Variants in HACE1 observed in about 807,000 individuals in gnomAD.
HACE1 encodes E3 ubiquitin-protein ligase HACE1.
In HACE1, 73 loss-of-function variants were observed where a neutral mutation model predicts 118.4. That is an observed-to-expected ratio of 0.62 (90% CI 0.51 to 0.75). The LOEUF (loss-of-function observed/expected upper bound fraction) is 0.75, where lower values mean the gene tolerates loss of function less well. Among genes scored for constraint, HACE1 ranks in the 30% least tolerant of loss-of-function variants. HACE1 has a pLI of 0.00. For synonymous variants in HACE1, 368 were observed against 374.8 expected (o/e 0.98, Z 0.21); for missense variants, 749 against 1,102.2 (o/e 0.68, Z 4.54).
intron 19 of HACE1, among the ~76,000 whole-genome samples, chr6:104,760,490 A>C (rs1019899504): frequency 1.3e-5 from 2 of 152,242 alleles, no homozygotes; most frequent in African/African-American, 4.8e-5. Flanking sequence ...GACAAAATTC[A>C]ACAGCCTTTC....
At chr6:104,849,897 G>A (rs1384180149) in intron 3 of HACE1, among the ~76,000 whole-genome samples, 2 of 145,876 alleles carry the variant, frequency 1.4e-5, no homozygotes, top group Admixed American at 6.8e-5. Flanking sequence ...AGATCCGCCC[G>A]CCTCGGCCTC....
chr6:104,785,387 AC>A, intron 11 of HACE1, 68 bp from the exon 12 acceptor site: 2 of 861,944 alleles, frequency 2.3e-6, no homozygotes, highest in Admixed American at 2.1e-5. Flanking sequence ...AAAAAACAAA[AC>A]ACAACTAGAC....
At chr6:104,853,939 A>T (rs1336223843) in intron 1 of HACE1, among the ~76,000 whole-genome samples, 1 of 152,194 alleles carries the variant, frequency 6.6e-6, no homozygotes, top group Non-Finnish European at 1.5e-5. Flanking sequence ...TAAGAGATTA[A>T]CAACAATAAA....
intron 4 of HACE1, among the ~76,000 whole-genome samples, chr6:104,844,838 AT>A (rs1193327424): frequency 6.6e-6 from 1 of 151,112 alleles, no homozygotes; most frequent in Non-Finnish European, 1.5e-5. Context: ...AATTTTTCGT[AT>A]TTTTAGTAGA....
intron 6 of HACE1, among the ~76,000 whole-genome samples, chr6:104,820,122 G>A (rs1772541709): frequency 1.3e-5 from 2 of 151,420 alleles, no homozygotes; most frequent in Non-Finnish European, 2.9e-5. Context: ...TTGAACCCGG[G>A]AGGTGGAGTT....
In HACE1 at chr6:104,855,157, T is replaced by C. The variant is rs1461467717; in HGVS notation, c.77-2786A>G. 2.6e-5 allele frequency among the ~76,000 whole-genome samples: 4 copies of C among 152,048 alleles called. No individual in the cohort carries two copies. The East Asian group carries it at 7.7e-4, about 29-fold the overall frequency. On this transcript the variant is annotated intron_variant, in intron 1 of 23. Transcript: ENST00000262903. ...GATTCCAGAGCCTCTACAAATAATATATCCTGGCTGGGTGCAGTGGCTCAC... is the reference window on the plus strand; with the variant it reads ...GATTCCAGAGCCTCTACAAATAATACATCCTGGCTGGGTGCAGTGGCTCAC...
At chr6:104,844,172 G>A (rs1450599089) in intron 4 of HACE1, among the ~76,000 whole-genome samples, 1 of 149,158 alleles carries the variant, frequency 6.7e-6, no homozygotes, top group African/African-American at 2.5e-5. Flanking sequence ...CAAGCAGCTA[G>A]GATTTCAGGC....
intron 5 of HACE1, among the ~76,000 whole-genome samples, chr6:104,840,849 G>C (rs1312903790): frequency 2.0e-5 from 3 of 152,226 alleles, no homozygotes; most frequent in Non-Finnish European, 2.9e-5. Flanking sequence ...TGAAATCCCA[G>C]CTACTCAGGA....
At chr6:104,805,620 C>T (rs548315420) in intron 7 of HACE1, among the ~76,000 whole-genome samples, 398 of 152,182 alleles carry the variant, frequency 2.6e-3, no homozygotes, top group African/African-American at 8.9e-3. Flanking sequence ...AACTAAACAC[C>T]GCATGTTCTC....
chr6:104,845,276 T>C (rs1393930241), intron 4 of HACE1, among the ~76,000 whole-genome samples: 2 of 152,126 alleles, frequency 1.3e-5, no homozygotes, highest in Non-Finnish European at 1.5e-5. Context: ...AGGCTCATAG[T>C]AGCTCTCAAT....
At chr6:104,730,011 C>A (rs2114337349) in intron 23 of HACE1, among the ~76,000 whole-genome samples, 1 of 152,188 alleles carries the variant, frequency 6.6e-6, no homozygotes, top group East Asian at 1.9e-4. Flanking sequence ...AGCAATAGGG[C>A]AATTTAGTTT....
chr6:104,843,054 T>G (rs1328749923), intron 5 of HACE1, among the ~76,000 whole-genome samples, 169 bp downstream of exon 5: 4 of 152,156 alleles, frequency 2.6e-5, no homozygotes, highest in Non-Finnish European at 5.9e-5. Context: ...GAGATTGCAG[T>G]GAGCACAGAT....
At chr6:104,858,453 C>A in intron 1 of HACE1, 1 of 378,510 alleles carries the variant, frequency 2.6e-6, no homozygotes, top group South Asian at 1.9e-5. Context: ...GTAATCCCAA[C>A]ACTTTGGGGG....
chr6:104,744,733 GT>G lies in HACE1; in HGVS notation c.2344-124del, dbSNP rs1417297033. 3 of 662,318 alleles carry G rather than the reference GT, an allele frequency of 4.5e-6. No homozygotes were observed. In the African/African-American group the frequency reaches 5.4e-5, roughly 12 times the overall value. 41.0% of individuals were successfully genotyped at this position (662,318 alleles called of 1,614,324 possible). ...GTAAAACTGATATATTTTTGTGACAGTTCCTGCATGTCATCAACAACAAGCA... is the reference window on the plus strand; with the variant it reads ...GTAAAACTGATATATTTTTGTGACAGTCCTGCATGTCATCAACAACAAGCA... On this transcript the variant is annotated intron_variant, in intron 20 of 23. Transcript: ENST00000262903.
intron 17 of HACE1, among the ~76,000 whole-genome samples, chr6:104,773,869 A>C (rs1780895908): frequency 1.3e-5 from 2 of 151,842 alleles, no homozygotes; most frequent in Admixed American, 6.6e-5. Context: ...TTTATGATAA[A>C]TTTTAAGTTC....
At chr6:104,742,268 A>G (rs896051109) in intron 22 of HACE1, among the ~76,000 whole-genome samples, 3 of 138,538 alleles carry the variant, frequency 2.2e-5, no homozygotes, top group African/African-American at 9.0e-5. Context: ...CTTCATGTCT[A>G]AAACACCAAA....
At chr6:104,808,525 C>T (rs1304420503) in intron 7 of HACE1, among the ~76,000 whole-genome samples, 1 of 152,012 alleles carries the variant, frequency 6.6e-6, no homozygotes, top group Non-Finnish European at 1.5e-5. Flanking sequence ...AGGTTCTTTC[C>T]CCTGTATCTT....
intron 19 of HACE1, among the ~76,000 whole-genome samples, chr6:104,770,898 T>C (rs536600411): frequency 6.6e-6 from 1 of 152,336 alleles, no homozygotes; most frequent in East Asian, 1.9e-4. Context: ...AATATCTTCA[T>C]TTAAGCTTAT....
At chr6:104,814,918 C>G (rs1771964107) in intron 6 of HACE1, among the ~76,000 whole-genome samples, 1 of 138,612 alleles carries the variant, frequency 7.2e-6, no homozygotes, top group Non-Finnish European at 1.6e-5. Flanking sequence ...CAGCAGAACT[C>G]TGAGTCAATT....
Sources: allele counts gnomAD v4.1 joint callset (sites outside exome capture counted in the v4.1 genomes callset), GRCh38; gene constraint gnomAD v4.1.1; transcripts MANE v1.5; gene names NCBI Gene and HGNC (gene_info 2026-07-23, HGNC 2026-07-21).